The following ITGBL1 variants were observed in gnomAD, a reference collection of about 807,000 sequenced individuals.
ITGBL1 encodes the protein integrin beta-like protein 1.
Under a neutral mutation model 68.5 loss-of-function variants are expected in ITGBL1, and 51 were observed. The ratio of observed to expected loss-of-function variants is 0.74; its 90% confidence interval spans 0.59 to 0.94. The LOEUF is 0.94. Among genes scored for constraint, ITGBL1 ranks in the 40% least tolerant of loss-of-function variants. ITGBL1 has a pLI of 0.00. For synonymous variants in ITGBL1, 209 were observed against 227.3 expected (o/e 0.92, Z 0.72); for missense variants, 649 against 647.4 (o/e 1.00, Z -0.03).
chr13:101,538,996 C>G (rs1246518191), intron 2 of ITGBL1, among the ~76,000 whole-genome samples: 2 of 150,120 alleles, frequency 1.3e-5, no homozygotes, highest in Non-Finnish European at 1.5e-5. Context: ...GGAGCTTTAC[C>G]ATCAGTGGTA....
intron 7 of ITGBL1, among the ~76,000 whole-genome samples, chr13:101,671,553 C>T: frequency 6.7e-6 from 1 of 148,932 alleles, no homozygotes; most frequent in Non-Finnish European, 1.5e-5. Context: ...ATTCTCCTGC[C>T]TCAGCCTCCC....
chr13:101,534,308 C>T (rs149781129), intron 2 of ITGBL1, among the ~76,000 whole-genome samples: 49 of 152,120 alleles, frequency 3.2e-4, no homozygotes, highest in African/African-American at 7.9e-4. Flanking sequence ...GAAATAGGTA[C>T]GTAAGTCTTA....
intron 7 of ITGBL1, among the ~76,000 whole-genome samples, chr13:101,646,194 G>A (rs2032553285): frequency 6.6e-6 from 1 of 152,096 alleles, no homozygotes; most frequent in Non-Finnish European, 1.5e-5. Context: ...GCTTCTTGTT[G>A]TAGTCTCTCA....
At chr13:101,673,736 C>A (rs2033432883) in intron 7 of ITGBL1, among the ~76,000 whole-genome samples, 2 of 152,150 alleles carry the variant, frequency 1.3e-5, no homozygotes, top group South Asian at 4.1e-4. Context: ...AAGTACAACT[C>A]CTGAGAGAAT....
intron 2 of ITGBL1, among the ~76,000 whole-genome samples, chr13:101,491,800 C>T (rs990986949): frequency 3.3e-5 from 5 of 152,038 alleles, no homozygotes; most frequent in African/African-American, 7.2e-5. Flanking sequence ...GACAGGGCCC[C>T]GGTGTGTGAT....
intron 7 of ITGBL1, among the ~76,000 whole-genome samples, chr13:101,611,315 G>A (rs891607667): frequency 6.6e-6 from 1 of 152,156 alleles, no homozygotes; most frequent in African/African-American, 2.4e-5. Flanking sequence ...CGAGATTCAA[G>A]TTTTTCCATG....
intron 7 of ITGBL1, among the ~76,000 whole-genome samples, chr13:101,633,094 G>C (rs760839462): frequency 6.6e-6 from 1 of 152,172 alleles, no homozygotes; most frequent in Non-Finnish European, 1.5e-5. Context: ...GGAATTGGAA[G>C]GGCTGAAAAG....
At chr13:101,592,904 A>C (rs188129089) in intron 6 of ITGBL1, among the ~76,000 whole-genome samples, 10 of 152,248 alleles carry the variant, frequency 6.6e-5, no homozygotes, top group Admixed American at 6.5e-4. Context: ...CAACAAAAAC[A>C]AATAGATAAA....
chr13:101,666,803 A>G (rs976434209), intron 7 of ITGBL1, among the ~76,000 whole-genome samples: 1 of 152,186 alleles, frequency 6.6e-6, no homozygotes, highest in Non-Finnish European at 1.5e-5. Flanking sequence ...AGCCTCAGAG[A>G]AAAAGTCTCC....
intron 7 of ITGBL1, among the ~76,000 whole-genome samples, chr13:101,641,476 A>G (rs572825052): frequency 1.3e-5 from 2 of 149,202 alleles, no homozygotes; most frequent in Admixed American, 6.6e-5. Flanking sequence ...TTTATTCTCA[A>G]TTTTGGGGTG....
intron 10 of ITGBL1, 62 bp downstream of exon 10, chr13:101,714,613 T>A (rs2139618684): frequency 1.0e-6 from 1 of 986,660 alleles, no homozygotes; most frequent in South Asian, 1.3e-5. Flanking sequence ...CAAGAGACAC[T>A]CGTCATGCAA....
chr13:101,483,791 A>G lies in ITGBL1; in HGVS notation c.316+29691A>G, dbSNP rs184686199. On this transcript the variant is annotated intron_variant, in intron 2 of 10. Coordinates refer to ENST00000376180, the MANE Select transcript of ITGBL1 (RefSeq NM_004791.3). ...TGAAATCTAATCTGATTGTTATCAC[A>G]TATTTCTTTAAGTGGAATGGCTTAA... is the stretch of plus-strand genomic sequence containing the variant. Among the ~76,000 whole-genome samples the G allele has an allele frequency of 5.3e-5, 8 of 152,278 alleles. No homozygotes were observed. In the East Asian group the frequency reaches 1.5e-3, roughly 29 times the overall value.
At chr13:101,491,281 G>A (rs10467272) in intron 2 of ITGBL1, among the ~76,000 whole-genome samples, 39,930 of 151,992 alleles carry the variant, frequency 0.26, 6,638 homozygotes, top group East Asian at 0.79. Flanking sequence ...ACTGTCTTAA[G>A]ACTCCATCCT....
intron 2 of ITGBL1, among the ~76,000 whole-genome samples, chr13:101,549,268 A>G (rs1220210520): frequency 2.6e-5 from 4 of 151,944 alleles, no homozygotes; most frequent in Admixed American, 2.0e-4. Flanking sequence ...GTCCATATTT[A>G]TGGACAGTAA....
At chr13:101,488,927 C>G (rs780102735) in intron 2 of ITGBL1, among the ~76,000 whole-genome samples, 5 of 152,102 alleles carry the variant, frequency 3.3e-5, no homozygotes, top group Non-Finnish European at 7.4e-5. Flanking sequence ...TGCCTGCAGC[C>G]GCTGAAGTGG....
intron 2 of ITGBL1, among the ~76,000 whole-genome samples, chr13:101,495,299 T>G (rs1344135541): frequency 6.6e-6 from 1 of 152,216 alleles, no homozygotes; most frequent in Non-Finnish European, 1.5e-5. Context: ...TGGTGGGATC[T>G]GAGCTGGCCG....
At chr13:101,475,768 G>A (rs2139650526) in intron 2 of ITGBL1, among the ~76,000 whole-genome samples, 1 of 130,982 alleles carries the variant, frequency 7.6e-6, no homozygotes, top group African/African-American at 2.8e-5. Flanking sequence ...AGGGACTGGT[G>A]CAACATATTT....
intron 9 of ITGBL1, chr13:101,711,374 C>A: frequency 6.6e-6 from 1 of 152,472 alleles, no homozygotes; most frequent in Non-Finnish European, 1.5e-5. Flanking sequence ...CACACACACT[C>A]ACCCACCCAC....
intron 7 of ITGBL1, among the ~76,000 whole-genome samples, chr13:101,613,754 A>G (rs2031236142): frequency 6.6e-6 from 1 of 152,136 alleles, no homozygotes; most frequent in South Asian, 2.1e-4. Context: ...TTAAAATACC[A>G]GTGCTGAGTT....
Sources: gnomAD v4.1 joint callset for allele counts (sites outside exome capture counted in the v4.1 genomes callset) on GRCh38, gnomAD v4.1.1 for gene constraint, MANE v1.5 for transcripts, NCBI Gene and HGNC (gene_info 2026-07-23, HGNC 2026-07-21) for gene names.